TMEM132C: variants seen among roughly 807,000 people sequenced by gnomAD.
The protein encoded by TMEM132C is transmembrane protein 132C, also known as protein phosphatase 1, regulatory subunit 152.
TMEM132C carries 29 observed loss-of-function variants against 61.4 expected under a neutral mutation model. That is an observed-to-expected ratio of 0.47 (90% confidence interval 0.35 to 0.64). The LOEUF (loss-of-function observed/expected upper bound fraction) is 0.64. Among genes scored for constraint, TMEM132C ranks in the 30% least tolerant of loss-of-function variants. The probability of loss-of-function intolerance (pLI) is 0.00; values close to 1 mark genes in which losing one functional copy is unlikely to be tolerated. For missense variants in TMEM132C, 1,408 were observed against 1,476.9 expected (o/e 0.95, Z 0.76); for synonymous variants, 656 against 633.1 (o/e 1.04, Z -0.54).
chr12:128,276,883 T>A (rs1394854676), intron 1 of TMEM132C, among the ~76,000 whole-genome samples: 1 of 98,282 alleles, frequency 1.0e-5, no homozygotes, highest in Non-Finnish European at 1.9e-5. Context: ...TGTGCATGCA[T>A]GTGCGTGCAT....
chr12:128,484,634 T>G (rs1181629138), intron 2 of TMEM132C, among the ~76,000 whole-genome samples: 2 of 152,090 alleles, frequency 1.3e-5, no homozygotes, highest in African/African-American at 4.8e-5. Flanking sequence ...TGGGGAAACA[T>G]TCCTAGGAAG....
intron 2 of TMEM132C, among the ~76,000 whole-genome samples, chr12:128,467,103 A>G (rs1211178577): frequency 6.6e-6 from 1 of 152,168 alleles, no homozygotes; most frequent in Non-Finnish European, 1.5e-5. Flanking sequence ...CCTCCCATGG[A>G]ATTGGGAACT....
At chr12:128,348,386 T>G (rs1005870784) in intron 1 of TMEM132C, among the ~76,000 whole-genome samples, 1 of 152,232 alleles carries the variant, frequency 6.6e-6, no homozygotes, top group Non-Finnish European at 1.5e-5. Flanking sequence ...AGAAATGGTT[T>G]TATTTCTTCC....
At chr12:128,270,314 G>A (rs897749583) in intron 1 of TMEM132C, among the ~76,000 whole-genome samples, 2 of 152,182 alleles carry the variant, frequency 1.3e-5, no homozygotes, top group African/African-American at 4.8e-5. Context: ...AAAAATAGAG[G>A]CATGAAGTCA....
At chr12:128,331,444 T>C (rs2135945145) in intron 1 of TMEM132C, among the ~76,000 whole-genome samples, 1 of 152,300 alleles carries the variant, frequency 6.6e-6, no homozygotes, top group South Asian at 2.1e-4. Flanking sequence ...TGAGTCTTCC[T>C]TGTCTATGAT....
At position 128,270,627 on chromosome 12, in the gene TMEM132C, TC is replaced by T. The variant is rs545300970; in HGVS notation, c.85+3141del. ...TCAGGGTGGAGAAGCCCCTCTCAAC[TC>T]ACCCGCATTCGTGCTGCCACCAACG... is the stretch of plus-strand genomic sequence containing the variant. On this transcript the variant is annotated intron_variant, in intron 1 of 8. Coordinates refer to ENST00000435159, the MANE Select transcript of TMEM132C (RefSeq NM_001136103.3). Among the ~76,000 whole-genome samples, 4 of 152,288 alleles carry T rather than the reference TC, an allele frequency of 2.6e-5. No individual in the cohort carries two copies. In the South Asian group the frequency reaches 8.3e-4, roughly 32 times the overall value.
intron 2 of TMEM132C, among the ~76,000 whole-genome samples, chr12:128,426,173 C>T (rs538483049): frequency 6.0e-4 from 92 of 152,332 alleles, no homozygotes; most frequent in East Asian, 1.4e-3. Flanking sequence ...AACTCCTCTC[C>T]GCCGGAGGAG....
At chr12:128,637,994 A>G (rs1007860610) in intron 4 of TMEM132C, among the ~76,000 whole-genome samples, 17 of 152,342 alleles carry the variant, frequency 1.1e-4, no homozygotes, top group Admixed American at 9.2e-4. Context: ...GAGAGACACC[A>G]TGGGAAACAT....
intron 1 of TMEM132C, among the ~76,000 whole-genome samples, chr12:128,356,091 G>A (rs1175259801): frequency 6.6e-6 from 1 of 152,232 alleles, no homozygotes; most frequent in East Asian, 1.9e-4. Context: ...TCCAAGGAAT[G>A]ATGGAAGAAA....
At chr12:128,629,243 A>G (rs73161929) in intron 4 of TMEM132C, among the ~76,000 whole-genome samples, 5,454 of 152,296 alleles carry the variant, frequency 0.036, 159 homozygotes, top group South Asian at 0.093. Context: ...GGACAGTTTC[A>G]GTGGCTCACG....
chr12:128,530,497 G>A (rs1467083235), intron 2 of TMEM132C, among the ~76,000 whole-genome samples: 1 of 151,336 alleles, frequency 6.6e-6, no homozygotes, highest in Non-Finnish European at 1.5e-5. Context: ...AGGCTGGAGT[G>A]CAGTGGCACA....
chr12:128,505,277 C>G (rs1872319217), intron 2 of TMEM132C, among the ~76,000 whole-genome samples: 1 of 152,168 alleles, frequency 6.6e-6, no homozygotes, highest in Admixed American at 6.5e-5. Flanking sequence ...TGAGAGGGCA[C>G]CAGAGACAAG....
At position 128,696,044 on chromosome 12, in the gene TMEM132C, G is replaced by A. The variant is rs1343612691; in HGVS notation, c.1870G>A (p.Ala624Thr). The change falls in exon 7 of 9, where the codon GCC becomes ACC. Residue 624 changes from alanine to threonine, a missense_variant. By Grantham distance (58) the Ala-to-Thr change is moderately conservative. Coordinates refer to ENST00000435159, the MANE Select transcript of TMEM132C (RefSeq NM_001136103.3). ...CATGAAGCTGGAGGAACCTCACGTG[G>A]CCACCCTCCAGGACAGCCGGGTCCT... is the stretch of plus-strand genomic sequence containing the variant. ...DFMKLEEPHVATLQDSRVLVG... is the reference protein window; with the variant it reads ...DFMKLEEPHVTTLQDSRVLVG... The A allele has an allele frequency of 1.3e-6, 2 of 1,551,724 alleles. No individual in the cohort carries two copies. Among genetic ancestry groups the A allele is most frequent in the South Asian group, 1.2e-5 (1 of 84,064 alleles).
intron 2 of TMEM132C, among the ~76,000 whole-genome samples, chr12:128,428,138 T>A (rs1476053836): frequency 1.3e-5 from 2 of 152,316 alleles, no homozygotes; most frequent in African/African-American, 4.8e-5. Context: ...CAACAACCCG[T>A]TCTACAGATG....
chr12:128,289,513 G>A (rs905989701), intron 1 of TMEM132C, among the ~76,000 whole-genome samples: 1 of 152,144 alleles, frequency 6.6e-6, no homozygotes, highest in Non-Finnish European at 1.5e-5. Context: ...CGGCGTACCT[G>A]GTTTATAGGG....
chr12:128,618,082 C>T (rs1876871299), intron 4 of TMEM132C, among the ~76,000 whole-genome samples: 1 of 152,190 alleles, frequency 6.6e-6, no homozygotes, highest in African/African-American at 2.4e-5. Context: ...GAAATATTTA[C>T]TATCTGGCCC....
chr12:128,549,518 G>A (rs928505583), intron 3 of TMEM132C, among the ~76,000 whole-genome samples: 2 of 152,054 alleles, frequency 1.3e-5, no homozygotes, highest in Non-Finnish European at 2.9e-5. Flanking sequence ...TCCCATGTTC[G>A]TTTCTTCAAC....
chr12:128,664,178 G>A (rs572511752), intron 4 of TMEM132C, among the ~76,000 whole-genome samples: 8 of 106,510 alleles, frequency 7.5e-5, no homozygotes, highest in South Asian at 7.4e-4. Flanking sequence ...GCACCCACAC[G>A]CATGCACGCA....
intron 2 of TMEM132C, among the ~76,000 whole-genome samples, chr12:128,522,670 T>TA (rs1872947522): frequency 6.6e-6 from 1 of 152,182 alleles, no homozygotes; most frequent in Admixed American, 6.5e-5. Context: ...ATTTAAGAAA[T>TA]ATTGAATGAG....
Sources: allele counts gnomAD v4.1 joint callset (sites outside exome capture counted in the v4.1 genomes callset), GRCh38; gene constraint gnomAD v4.1.1; transcripts MANE v1.5; gene names NCBI Gene and HGNC (gene_info 2026-07-23, HGNC 2026-07-21).